The following ESRRG variants were observed in gnomAD, a reference collection of about 807,000 sequenced individuals.
The protein encoded by ESRRG is estrogen related receptor gamma.
Under a neutral mutation model 44.0 loss-of-function variants are expected in ESRRG, and 13 were observed. The ratio of observed to expected loss-of-function variants is 0.30; its 90% CI spans 0.19 to 0.47. The LOEUF is 0.47. Among genes scored for constraint, ESRRG ranks in the 20% least tolerant of loss-of-function variants. The probability of loss-of-function intolerance (pLI) is 1.00; values close to 1 mark genes in which losing one functional copy is unlikely to be tolerated. For missense variants in ESRRG, 395 were observed against 580.6 expected (o/e 0.68, Z 3.29); for synonymous variants, 215 against 214.6 (o/e 1.00, Z -0.02).
chr1:216,789,711 C>G (rs1177393411), intron 2 of ESRRG, among the ~76,000 whole-genome samples: 1 of 152,102 alleles, frequency 6.6e-6, no homozygotes, highest in East Asian at 1.9e-4. Flanking sequence ...GGAACTGTAG[C>G]AAGGCTGAAC....
intron 2 of ESRRG, among the ~76,000 whole-genome samples, chr1:216,839,508 T>G (rs2095617540): frequency 1.3e-5 from 2 of 152,234 alleles, no homozygotes; most frequent in South Asian, 2.1e-4. Flanking sequence ...GTTTTCAATG[T>G]ACTTTACCCA....
At position 217,103,754 on chromosome 1, in the gene ESRRG, C is replaced by T. The variant is rs557742148; in HGVS notation, c.-230+33913G>A. Among the ~76,000 whole-genome samples, 29 of 152,114 alleles carry T rather than the reference C, an allele frequency of 1.9e-4. 1 individual carries two copies. In the South Asian group the frequency reaches 4.6e-3, roughly 24 times the overall value. ...GTTAATGAATAGAATATTCAGATGA[C>T]GAATGCCCCTCCAAGCCTCACAATT... On this transcript the variant is annotated intron_variant, in intron 1 of 8. Transcript: ENST00000366940.
chr1:216,822,164 T>C (rs1243561611), intron 2 of ESRRG, among the ~76,000 whole-genome samples: 2 of 152,330 alleles, frequency 1.3e-5, no homozygotes, highest in Non-Finnish European at 2.9e-5. Context: ...TGATGGTGAA[T>C]TTCAACCTCT....
intron 1 of ESRRG, among the ~76,000 whole-genome samples, chr1:216,977,378 A>G (rs765911579): frequency 3.3e-5 from 5 of 152,144 alleles, no homozygotes; most frequent in African/African-American, 4.8e-5. Context: ...ACACATATAC[A>G]TATAGATAGA....
chr1:216,617,948 T>C (rs577786743), intron 3 of ESRRG, among the ~76,000 whole-genome samples: 1 of 152,292 alleles, frequency 6.6e-6, no homozygotes, highest in East Asian at 1.9e-4. Context: ...TACAGCAATA[T>C]GGAAGGTTGA....
intron 5 of ESRRG, among the ~76,000 whole-genome samples, chr1:216,531,075 G>A (rs1242022406): frequency 6.6e-6 from 1 of 152,070 alleles, no homozygotes. Context: ...GGAAGTTAAA[G>A]GATTTACAGC....
chr1:216,688,679 G>C lies in ESRRG; in HGVS notation c.57-11188C>G, dbSNP rs189604948. Among the ~76,000 whole-genome samples the C allele has an allele frequency of 1.4e-4, 21 of 152,034 alleles. No individual in the cohort carries two copies. The East Asian group carries it at 3.7e-3, about 27-fold the overall frequency. ...TTGTTTTCAGCCAATGCAGAGATAT[G>C]AAATTGTTCATATTTGGGGTAAAAA... On this transcript the variant is annotated intron_variant, in intron 1 of 6. Coordinates refer to ENST00000408911, the MANE Select transcript of ESRRG (RefSeq NM_001438.4).
intron 3 of ESRRG, among the ~76,000 whole-genome samples, chr1:216,626,988 A>T (rs1282467925): frequency 6.6e-6 from 1 of 152,198 alleles, no homozygotes. Flanking sequence ...GTATAAGATA[A>T]GCAGTATTTC....
chr1:217,123,449 C>T (rs1184868219), intron 1 of ESRRG, among the ~76,000 whole-genome samples: 1 of 152,122 alleles, frequency 6.6e-6, no homozygotes. Context: ...TCTTTACATG[C>T]ACATGTATGT....
intron 2 of ESRRG, among the ~76,000 whole-genome samples, chr1:216,670,574 A>G (rs2074968094): frequency 6.6e-6 from 1 of 152,158 alleles, no homozygotes; most frequent in Non-Finnish European, 1.5e-5. Context: ...GATCCTGAGT[A>G]CCTGAGACCC....
intron 1 of ESRRG, among the ~76,000 whole-genome samples, chr1:216,964,540 A>G (rs899631354): frequency 6.6e-6 from 1 of 152,168 alleles, no homozygotes; most frequent in African/African-American, 2.4e-5. Flanking sequence ...TGGAATATGC[A>G]TTTCCTAAAA....
chr1:216,605,875 T>TAA (rs34585572), intron 3 of ESRRG, among the ~76,000 whole-genome samples: 5 of 144,410 alleles, frequency 3.5e-5, no homozygotes, highest in African/African-American at 7.6e-5. Flanking sequence ...GAGCTTAAAT[T>TAA]AAAAAAAAAA....
At chr1:216,935,025 T>A (rs1345926742) in intron 2 of ESRRG, among the ~76,000 whole-genome samples, 1 of 152,204 alleles carries the variant, frequency 6.6e-6, no homozygotes, top group Admixed American at 6.5e-5. Context: ...AGTAGTTAGC[T>A]GAAAATGTAG....
At chr1:216,678,989 C>T (rs2076569612) in intron 1 of ESRRG, among the ~76,000 whole-genome samples, 1 of 152,210 alleles carries the variant, frequency 6.6e-6, no homozygotes, top group Admixed American at 6.5e-5. Flanking sequence ...GGAAGTTTCA[C>T]TTAACTGTTC....
chr1:217,103,843 T>C (rs987941649), intron 1 of ESRRG, among the ~76,000 whole-genome samples: 2 of 152,090 alleles, frequency 1.3e-5, no homozygotes, highest in African/African-American at 4.8e-5. Flanking sequence ...TGTCAGCATA[T>C]TTTTTCTGTT....
At chr1:217,041,149 T>A (rs2151128095) in intron 1 of ESRRG, among the ~76,000 whole-genome samples, 1 of 152,172 alleles carries the variant, frequency 6.6e-6, no homozygotes, top group African/African-American at 2.4e-5. Context: ...AATATTCTCA[T>A]CTTTTTCATA....
At chr1:216,965,718 A>G (rs1387082162) in intron 1 of ESRRG, among the ~76,000 whole-genome samples, 1 of 152,192 alleles carries the variant, frequency 6.6e-6, no homozygotes, top group Non-Finnish European at 1.5e-5. Flanking sequence ...AGACTAGGGC[A>G]TCCATACAGG....
intron 2 of ESRRG, among the ~76,000 whole-genome samples, chr1:216,906,788 G>A (rs907344724): frequency 6.6e-6 from 1 of 152,074 alleles, no homozygotes; most frequent in South Asian, 2.1e-4. Context: ...ATAGAACTTC[G>A]CTTTCTCTTT....
intron 1 of ESRRG, among the ~76,000 whole-genome samples, chr1:217,072,931 A>G (rs1259109053): frequency 6.6e-6 from 1 of 152,034 alleles, no homozygotes; most frequent in African/African-American, 2.4e-5. Context: ...ACAAATACCC[A>G]TTGTCATTCA....
Sources: gnomAD v4.1 joint callset for allele counts (sites outside exome capture counted in the v4.1 genomes callset) on GRCh38, gnomAD v4.1.1 for gene constraint, MANE v1.5 for transcripts, NCBI Gene and HGNC (gene_info 2026-07-23, HGNC 2026-07-21) for gene names.